The following PTPN13 variants were observed in gnomAD, a reference collection of about 807,000 sequenced individuals.
PTPN13 encodes the protein tyrosine-protein phosphatase non-receptor type 13.
A neutral mutation model predicts 284.0 loss-of-function variants in PTPN13; 191 were observed. That is an observed-to-expected ratio of 0.67 (90% CI 0.60 to 0.76). PTPN13 has a LOEUF of 0.76. Among genes scored for constraint, PTPN13 ranks in the 30% least tolerant of loss-of-function variants. The pLI is 0.00. For synonymous variants in PTPN13, 986 were observed against 1,022.3 expected (o/e 0.96, Z 0.68); for missense variants, 2,797 against 2,939.9 (o/e 0.95, Z 1.12).
intron 7 of PTPN13, among the ~76,000 whole-genome samples, chr4:86,702,054 G>A (rs777433597): frequency 1.3e-5 from 2 of 152,146 alleles, no homozygotes; most frequent in Non-Finnish European, 2.9e-5. Context: ...ATTTGGGATA[G>A]TATATTTTTA....
chr4:86,694,801 G>A (rs1267150968), intron 6 of PTPN13, among the ~76,000 whole-genome samples: 2 of 152,032 alleles, frequency 1.3e-5, no homozygotes, highest in South Asian at 2.1e-4. Context: ...TTTAGATCTT[G>A]TCCTAGATCT....
intron 42 of PTPN13, among the ~76,000 whole-genome samples, chr4:86,800,576 C>T (rs1743903247): frequency 6.6e-6 from 1 of 151,826 alleles, no homozygotes; most frequent in South Asian, 2.1e-4. Context: ...CGCTTGAACC[C>T]CAGAGGCAGA....
intron 2 of PTPN13, among the ~76,000 whole-genome samples, chr4:86,638,420 T>C (rs1355577405): frequency 1.3e-5 from 2 of 152,188 alleles, no homozygotes; most frequent in African/African-American, 4.8e-5. Flanking sequence ...GCTACCTGAC[T>C]TCAAACTATA....
At chr4:86,813,683 T>C (rs1745479592) in intron 47 of PTPN13, among the ~76,000 whole-genome samples, 1 of 152,148 alleles carries the variant, frequency 6.6e-6, no homozygotes, top group Non-Finnish European at 1.5e-5. Context: ...TGCCTCGGCC[T>C]CTGAGATTAC....
At chr4:86,775,123 C>G in intron 33 of PTPN13, 48 bp from the exon 34 acceptor site, 1 of 1,422,166 alleles carries the variant, frequency 7.0e-7, no homozygotes, top group East Asian at 2.4e-5. Context: ...TTTAGCTTCT[C>G]TTTTCTAAAA....
At chr4:86,763,267 A>G (rs1429119536) in intron 24 of PTPN13, 77 bp downstream of exon 24, 19 of 1,154,118 alleles carry the variant, frequency 1.6e-5, no homozygotes, top group Admixed American at 6.7e-5. Flanking sequence ...AGAGCACAAT[A>G]ATCTACAAGA....
chr4:86,657,983 A>G (rs1726052423), intron 2 of PTPN13, among the ~76,000 whole-genome samples: 1 of 152,144 alleles, frequency 6.6e-6, no homozygotes, highest in Non-Finnish European at 1.5e-5. Context: ...TTCCAAGTCC[A>G]CTGCCTCTGA....
At chr4:86,786,915 C>G (rs939993494) in intron 40 of PTPN13, among the ~76,000 whole-genome samples, 1 of 151,980 alleles carries the variant, frequency 6.6e-6, no homozygotes, top group Admixed American at 6.6e-5. Context: ...ACCAGCCTGG[C>G]CAACATGGTG....
At chr4:86,784,615 TA>T (rs936787475) in intron 38 of PTPN13, 57 bp downstream of exon 38, 1,100 of 1,061,404 alleles carry the variant, frequency 1.0e-3, no homozygotes, top group African/African-American at 2.6e-3. Flanking sequence ...TTCAGGTAAT[TA>T]AAAAAAAATA....
At chr4:86,734,667 G>A (rs1007669679) in intron 13 of PTPN13, 70 bp from the exon 14 acceptor site, 2 of 1,516,436 alleles carry the variant, frequency 1.3e-6, no homozygotes, top group South Asian at 2.6e-5. Flanking sequence ...AACCTTACAT[G>A]CCTATAATAA....
chr4:86,695,737 T>C (rs1730529378), intron 6 of PTPN13, among the ~76,000 whole-genome samples: 1 of 151,962 alleles, frequency 6.6e-6, no homozygotes, highest in Non-Finnish European at 1.5e-5. Context: ...CTCTAACCTC[T>C]TTCAGCAGTT....
intron 32 of PTPN13, among the ~76,000 whole-genome samples, chr4:86,773,768 A>G (rs1328787248): frequency 6.6e-6 from 1 of 151,576 alleles, no homozygotes; most frequent in African/African-American, 2.4e-5. Flanking sequence ...CTTCAGTTTC[A>G]TTCTTAGCAA....
In PTPN13 at chr4:86,775,201, C is replaced by T. The variant is rs1475593142; in HGVS notation, c.5539C>T (p.His1847Tyr). The T allele has an allele frequency of 1.2e-6, 2 of 1,611,114 alleles. No individual in the cohort carries two copies. Residue 1847 changes from histidine (H) to tyrosine (Y), a missense_variant, in exon 34 of 48, where the codon CAT (histidine) becomes TAT (tyrosine). By Grantham distance (83) the His-to-Tyr change is moderately conservative (BLOSUM62 2). Transcript: ENST00000411767. Reference protein sequence around the residue: ...VNDTDVTNMTHTDAVNLLRAA... With the variant: ...VNDTDVTNMTYTDAVNLLRAA... ...TGATACAGATGTTACTAATATGACT[C>T]ATACAGATGCAGTTAATCTGCTCCG...
intron 10 of PTPN13, among the ~76,000 whole-genome samples, chr4:86,730,320 G>A (rs1402360403): frequency 6.7e-6 from 1 of 149,916 alleles, no homozygotes; most frequent in Admixed American, 6.7e-5. Flanking sequence ...CATGCTGGGA[G>A]AACCACTGCT....
rs1741678464 is a variant in PTPN13 at position 86,784,456 on chromosome 4, A to C, written c.6025-9A>C. 6.3e-7 allele frequency: 1 copy of C among 1,590,588 alleles called. No individual in the cohort carries two copies. On this transcript the variant is annotated splice_polypyrimidine_tract_variant and intron_variant, in intron 37 of 47. Coordinates refer to ENST00000411767, the MANE Select transcript of PTPN13 (RefSeq NM_080683.3). ...CTATCTGATGATTTGCTTTGGTTTT[A>C]TGCTTTAGGTTGCTGGGGAAGAAAT...
chr4:86,663,247 GGTATATAA>G (rs1281734448), intron 2 of PTPN13, among the ~76,000 whole-genome samples: 1 of 152,130 alleles, frequency 6.6e-6, no homozygotes, highest in Non-Finnish European at 1.5e-5. Context: ...ACAAATTTAT[GGTATATAA>G]GTTTTGTATA....
At position 86,742,906 on chromosome 4, in the gene PTPN13, T is replaced by C. The variant is rs557195529; in HGVS notation, c.2487+1090T>C. On this transcript the variant is annotated intron_variant, in intron 16 of 47. Coordinates refer to ENST00000411767, the MANE Select transcript of PTPN13 (RefSeq NM_080683.3). Reference sequence around the variant, plus strand: ...TGCCAAGCTACCACACTAACCCACATATATAGAACGAGCTGTGATTAGTTC... The same window carrying C: ...TGCCAAGCTACCACACTAACCCACACATATAGAACGAGCTGTGATTAGTTC... Among the ~76,000 whole-genome samples the C allele has an allele frequency of 1.4e-4, 22 of 152,322 alleles. No individual in the cohort carries two copies. The South Asian group carries it at 4.6e-3, about 32-fold the overall frequency.
chr4:86,608,504 A>C (rs1324529071), intron 1 of PTPN13, among the ~76,000 whole-genome samples: 1 of 152,120 alleles, frequency 6.6e-6, no homozygotes, highest in East Asian at 1.9e-4. Flanking sequence ...TGATTAGGTA[A>C]TTATAATGAT....
intron 1 of PTPN13, among the ~76,000 whole-genome samples, chr4:86,628,889 A>G (rs1257258714): frequency 4.7e-5 from 7 of 150,534 alleles, no homozygotes; most frequent in Non-Finnish European, 5.9e-5. Flanking sequence ...CATTTTCTTA[A>G]ACCAGTCTAT....
Sources: gnomAD v4.1 joint callset for allele counts (sites outside exome capture counted in the v4.1 genomes callset) on GRCh38, gnomAD v4.1.1 for gene constraint, MANE v1.5 for transcripts, NCBI Gene and HGNC (gene_info 2026-07-23, HGNC 2026-07-21) for gene names.